Variants in BRD8 observed in about 807,000 individuals in gnomAD.
The protein encoded by BRD8 is bromodomain containing 8, also known as bromodomain-containing protein 8.
A neutral mutation model predicts 143.1 loss-of-function variants in BRD8; 67 were observed. That is an observed-to-expected ratio of 0.47 (90% confidence interval 0.38 to 0.57). The LOEUF is 0.57. Among genes scored for constraint, BRD8 ranks in the 20% least tolerant of loss-of-function variants. The probability of loss-of-function intolerance (pLI) is 0.00; values close to 1 mark genes in which losing one functional copy is unlikely to be tolerated. For missense variants in BRD8, 1,103 were observed against 1,503.0 expected, an observed-to-expected ratio of 0.73 and a Z score of 4.40; for synonymous variants, 505 against 517.1, an observed-to-expected ratio of 0.98 and a Z score of 0.32.
chr5:138,161,261 T>C, intron 17 of BRD8, 193 bp from the exon 18 acceptor site: 1 of 477,384 alleles, frequency 2.1e-6, no homozygotes, highest in Non-Finnish European at 3.6e-6. Context: ...TTGAGAAAGG[T>C]AATAAAGGGA....
At chr5:138,140,230 TA>T in intron 26 of BRD8, 64 bp from the exon 27 acceptor site, 2 of 1,269,158 alleles carry the variant, frequency 1.6e-6, no homozygotes, top group South Asian at 2.5e-5. Context: ...ATTGCAAGTT[TA>T]TTTTTTTGGC....
intron 8 of BRD8, chr5:138,168,531 G>A (rs531449151): frequency 5.6e-6 from 9 of 1,609,462 alleles, no homozygotes; most frequent in East Asian, 2.2e-5. Context: ...CAGAGGGGAG[G>A]GGGGTGGAGT....
At chr5:138,172,262 C>G in intron 2 of BRD8, 128 bp from the exon 3 acceptor site, 1 of 653,558 alleles carries the variant, frequency 1.5e-6, no homozygotes, top group Non-Finnish European at 2.6e-6. Flanking sequence ...CGGTGGCTCA[C>G]GCCTGTAATC....
At chr5:138,157,563 G>A in intron 20 of BRD8, 1 of 401,294 alleles carries the variant, frequency 2.5e-6, no homozygotes, top group Admixed American at 4.0e-5. Context: ...CCCAAATCAT[G>A]TGCAAAGGAG....
intron 23 of BRD8, among the ~76,000 whole-genome samples, chr5:138,149,249 C>G (rs1458087586): frequency 6.6e-6 from 1 of 151,876 alleles, no homozygotes; most frequent in Non-Finnish European, 1.5e-5. Flanking sequence ...GTACCTGAGA[C>G]TATAGACAAG....
intron 7 of BRD8, 30 bp downstream of exon 7, chr5:138,170,315 T>C: frequency 6.9e-7 from 1 of 1,441,272 alleles, no homozygotes; most frequent in Non-Finnish European, 9.8e-7. Context: ...TGCAATCAAT[T>C]GCTAAAGAGG....
chr5:138,147,650 C>G (rs1043490742), intron 23 of BRD8, among the ~76,000 whole-genome samples: 1 of 152,066 alleles, frequency 6.6e-6, no homozygotes, highest in Non-Finnish European at 1.5e-5. Flanking sequence ...AAGTAATTCA[C>G]TTCATGCCAG....
chr5:138,173,408 A>G (rs1326131601), intron 2 of BRD8, among the ~76,000 whole-genome samples: 3 of 152,172 alleles, frequency 2.0e-5, no homozygotes, highest in African/African-American at 7.2e-5. Context: ...AAAAAAAAAA[A>G]AAGATTCTTA....
chr5:138,158,414 C>T (rs1406375483), intron 20 of BRD8, among the ~76,000 whole-genome samples: 4 of 152,016 alleles, frequency 2.6e-5, no homozygotes, highest in African/African-American at 9.7e-5. Context: ...CCAGCAGCCA[C>T]TATTGATGCA....
Position 138,177,677 on chromosome 5 carries a change from G to C in BRD8, c.20-10C>G. The stretch of plus-strand genomic sequence containing the variant: ...CTTAGCAGCTTGTGTTCTGGGAAAG[G>C]GAGAAAAAAAAAAAAGCCTTGGAAA... On this transcript the variant is annotated splice_polypyrimidine_tract_variant and intron_variant, in intron 1 of 26. Transcript: ENST00000254900. 7.7e-7 allele frequency: 1 copy of C among 1,303,762 alleles called. No homozygotes were observed. The highest frequency in any genetic ancestry group is 1.0e-6 in the Non-Finnish European group (1 of 975,654). The allele number at this position is 1,303,762 out of a possible 1,614,324, so 80.8% of individuals were successfully genotyped here.
At chr5:138,164,294 A>C in intron 13 of BRD8, 26 bp downstream of exon 13, 1 of 1,608,822 alleles carries the variant, frequency 6.2e-7, no homozygotes, top group Non-Finnish European at 8.5e-7. Context: ...AATGATTTCA[A>C]GTCAGTGAAA....
intron 18 of BRD8, 51 bp from the exon 19 acceptor site, chr5:138,160,224 C>T (rs752310770): frequency 1.6e-6 from 2 of 1,243,520 alleles, no homozygotes; most frequent in Non-Finnish European, 2.4e-6. Context: ...TTAGTAGGGA[C>T]AAATTAAGTA....
chr5:138,171,180 A>T lies in BRD8; in HGVS notation c.237-20T>A. Reference sequence around the variant, plus strand: ...TTCCGTCTGTGGAAAATTGAAAAAAAAAAATTCATATTCAAATAACATAAC... The same window carrying T: ...TTCCGTCTGTGGAAAATTGAAAAAATAAAATTCATATTCAAATAACATAAC... On this transcript the variant is annotated intron_variant, in intron 4 of 26. Coordinates refer to ENST00000254900, the MANE Select transcript of BRD8 (RefSeq NM_139199.2). The T allele has an allele frequency of 1.3e-6, 2 of 1,598,870 alleles. No homozygotes were observed. Among genetic ancestry groups the T allele is most frequent in the South Asian group, 2.3e-5 (2 of 88,170 alleles).
At chr5:138,164,511 C>G in intron 12 of BRD8, 98 bp from the exon 13 acceptor site, 1 of 1,284,462 alleles carries the variant, frequency 7.8e-7, no homozygotes, top group Non-Finnish European at 1.1e-6. Flanking sequence ...AGAAGAAATT[C>G]TAAGTCCTAC....
rs752400755 is a variant in BRD8, at chr5:138,161,049, T to C, written c.2269A>G (p.Ile757Val). Residue 757 changes from isoleucine (I) to valine (V), a missense_variant, in exon 18 of 27, where the codon ATT becomes GTT. Ile to Val is a conservative substitution (Grantham distance 29, BLOSUM62 3). Coordinates refer to ENST00000254900, the MANE Select transcript of BRD8 (RefSeq NM_139199.2). ...IVQRPMDLST[I>V]KKNIENGLIR... ...AGTCCATTTTCTATGTTTTTCTTAA[T>C]AGTTGACAAATCCATAGGCCTAAAA... 11 of 1,612,012 alleles carry C rather than the reference T, an allele frequency of 6.8e-6. No homozygotes were observed. The Admixed American group carries it at 1.5e-4, about 22-fold the overall frequency.
At chr5:138,154,071 C>T (rs1377452976) in intron 20 of BRD8, among the ~76,000 whole-genome samples, 3 of 152,136 alleles carry the variant, frequency 2.0e-5, no homozygotes, top group Non-Finnish European at 2.9e-5. Flanking sequence ...AGTTTTCTCC[C>T]ACAATAAGTT....
intron 25 of BRD8, among the ~76,000 whole-genome samples, chr5:138,143,043 G>T (rs1751976980): frequency 6.6e-6 from 1 of 152,244 alleles, no homozygotes; most frequent in Non-Finnish European, 1.5e-5. Context: ...CCAGCACTTT[G>T]GGAGGCTGAG....
chr5:138,165,491 C>G (rs184446846), intron 11 of BRD8, among the ~76,000 whole-genome samples: 7 of 152,032 alleles, frequency 4.6e-5, no homozygotes, highest in African/African-American at 1.7e-4. Flanking sequence ...TTTGGGAGGC[C>G]GAGGTGGGTG....
At chr5:138,149,429 G>A (rs751484794) in intron 23 of BRD8, among the ~76,000 whole-genome samples, 3 of 152,042 alleles carry the variant, frequency 2.0e-5, no homozygotes, top group African/African-American at 4.8e-5. Context: ...TTGAAAGACA[G>A]TCCTAATATT....
Sources: allele counts gnomAD v4.1 joint callset (sites outside exome capture counted in the v4.1 genomes callset), GRCh38; gene constraint gnomAD v4.1.1; transcripts MANE v1.5; gene names NCBI Gene and HGNC (gene_info 2026-07-23, HGNC 2026-07-21).